The following PARD3B variants were observed in gnomAD, a reference collection of about 807,000 sequenced individuals.
PARD3B encodes the protein par-3 family cell polarity regulator beta, also known as partitioning defective 3 homolog B.
Under a neutral mutation model 130.2 loss-of-function variants are expected in PARD3B, and 103 were observed. That is an observed-to-expected ratio of 0.79 (90% CI 0.67 to 0.93). The LOEUF is 0.93. Among genes scored for constraint, PARD3B ranks in the 40% least tolerant of loss-of-function variants. The pLI is 0.00. For missense variants in PARD3B, 1,609 were observed against 1,499.2 expected (o/e 1.07, Z -1.21); for synonymous variants, 583 against 553.2 (o/e 1.05, Z -0.76).
chr2:204,616,450 C>G (rs2034116596), intron 1 of PARD3B, among the ~76,000 whole-genome samples: 1 of 152,080 alleles, frequency 6.6e-6, no homozygotes, highest in Non-Finnish European at 1.5e-5. Context: ...GTGGCCAAGA[C>G]CCAGGACACT....
chr2:205,257,305 G>A (rs1287563365), intron 16 of PARD3B, among the ~76,000 whole-genome samples: 1 of 149,142 alleles, frequency 6.7e-6, no homozygotes, highest in Non-Finnish European at 1.5e-5. Flanking sequence ...CCTTTTGAAT[G>A]AAAACACTTT....
At chr2:204,889,492 A>G (rs2046374175) in intron 2 of PARD3B, among the ~76,000 whole-genome samples, 1 of 152,194 alleles carries the variant, frequency 6.6e-6, no homozygotes, top group African/African-American at 2.4e-5. Flanking sequence ...GAAGCCAACA[A>G]CAACAGAACA....
intron 2 of PARD3B, among the ~76,000 whole-genome samples, chr2:204,886,749 A>G (rs1295190893): frequency 1.3e-5 from 2 of 152,218 alleles, no homozygotes; most frequent in Admixed American, 1.3e-4. Flanking sequence ...GATTTGGTTC[A>G]GTTTGGGCTA....
intron 22 of PARD3B, among the ~76,000 whole-genome samples, chr2:205,561,905 C>T (rs1269683041): frequency 6.6e-6 from 1 of 152,128 alleles, no homozygotes; most frequent in African/African-American, 2.4e-5. Flanking sequence ...CTTAAGGTTC[C>T]CTGTGCTGAA....
chr2:204,975,611 G>A (rs1478136104), intron 3 of PARD3B, among the ~76,000 whole-genome samples: 1 of 152,164 alleles, frequency 6.6e-6, no homozygotes, highest in Non-Finnish European at 1.5e-5. Context: ...TTTTCACTGA[G>A]TACTGTGTAA....
Position 204,997,811 on chromosome 2 carries a change from G to A in PARD3B, c.394+32488G>A, listed in dbSNP as rs1051907192. ...TAATGAAGACTAGTTCATGTTTTTA[G>A]TTTTGCTATACATTTATAGATATAT... On this transcript the variant is annotated intron_variant, in intron 3 of 22. Coordinates refer to ENST00000406610, the MANE Select transcript of PARD3B (RefSeq NM_001302769.2). Among the ~76,000 whole-genome samples, 5 of 150,266 alleles carry A rather than the reference G, an allele frequency of 3.3e-5. No homozygotes were observed. In the East Asian group the frequency reaches 9.7e-4, roughly 29 times the overall value.
At chr2:205,014,493 T>A (rs1559356368) in intron 3 of PARD3B, among the ~76,000 whole-genome samples, 1 of 152,204 alleles carries the variant, frequency 6.6e-6, no homozygotes. Context: ...GAGGAGAAGG[T>A]ACCTGAGTAA....
chr2:205,498,198 TA>T (rs61076057), intron 20 of PARD3B, among the ~76,000 whole-genome samples: 1,878 of 124,394 alleles, frequency 0.015, 31 homozygotes, highest in African/African-American at 0.041. Context: ...AGACTCTGAC[TA>T]AAAAAAAAAA....
intron 2 of PARD3B, among the ~76,000 whole-genome samples, chr2:204,896,857 A>G (rs1340734253): frequency 6.6e-6 from 1 of 152,224 alleles, no homozygotes; most frequent in African/African-American, 2.4e-5. Flanking sequence ...AGGTCACAGA[A>G]TAAGAAAGCC....
At chr2:205,577,657 G>A (rs753177610) in intron 22 of PARD3B, among the ~76,000 whole-genome samples, 3 of 152,196 alleles carry the variant, frequency 2.0e-5, no homozygotes, top group Non-Finnish European at 4.4e-5. Flanking sequence ...GCTTAAAAAT[G>A]AATTACGCTT....
intron 16 of PARD3B, among the ~76,000 whole-genome samples, chr2:205,275,076 G>C (rs1170849696): frequency 1.3e-5 from 2 of 151,994 alleles, no homozygotes; most frequent in Non-Finnish European, 2.9e-5. Context: ...TGTGAGTAAG[G>C]CTCGCTTCTG....
At chr2:205,299,471 TG>T (rs2041911720) in intron 16 of PARD3B, among the ~76,000 whole-genome samples, 1 of 151,978 alleles carries the variant, frequency 6.6e-6, no homozygotes, top group African/African-American at 2.4e-5. Flanking sequence ...GAACATGAGC[TG>T]TGGCCCTGGT....
chr2:205,595,652 C>G (rs564232497), intron 22 of PARD3B, among the ~76,000 whole-genome samples: 162 of 152,222 alleles, frequency 1.1e-3, no homozygotes, highest in African/African-American at 3.8e-3. Flanking sequence ...AAGCAGCACT[C>G]AAACAAATAG....
intron 15 of PARD3B, among the ~76,000 whole-genome samples, chr2:205,206,442 C>T (rs60819889): frequency 6.0e-5 from 9 of 149,122 alleles, no homozygotes; most frequent in Non-Finnish European, 1.2e-4. Context: ...GTTCAAGTCC[C>T]ACCTATGAGT....
At chr2:204,672,511 T>C (rs1377571937) in intron 1 of PARD3B, among the ~76,000 whole-genome samples, 2 of 152,204 alleles carry the variant, frequency 1.3e-5, no homozygotes, top group Non-Finnish European at 2.9e-5. Context: ...TACAAAATCA[T>C]GTGCATGAAT....
intron 3 of PARD3B, among the ~76,000 whole-genome samples, chr2:205,034,220 G>T (rs1697637951): frequency 6.6e-6 from 1 of 152,064 alleles, no homozygotes; most frequent in Non-Finnish European, 1.5e-5. Flanking sequence ...GTTCAATTTG[G>T]CATGCCTCTG....
intron 1 of PARD3B, among the ~76,000 whole-genome samples, chr2:204,563,251 C>T (rs976284804): frequency 6.7e-6 from 1 of 148,418 alleles, no homozygotes; most frequent in African/African-American, 2.5e-5. Context: ...CTCTCTCTCT[C>T]TCTCTCTCTC....
chr2:205,256,817 G>A (rs1424017444), intron 16 of PARD3B, among the ~76,000 whole-genome samples: 2 of 151,880 alleles, frequency 1.3e-5, no homozygotes, highest in East Asian at 3.9e-4. Context: ...GAGTCATACT[G>A]GAAACCTATT....
At position 204,705,957 on chromosome 2, in the gene PARD3B, A is replaced by G. The variant is rs182413322; in HGVS notation, c.222+19675A>G. On this transcript the variant is annotated intron_variant, in intron 2 of 22. Coordinates refer to ENST00000406610, the MANE Select transcript of PARD3B (RefSeq NM_001302769.2). The stretch of plus-strand genomic sequence containing the variant: ...TTCTGTTCTAAATACTTGGTGCACA[A>G]TAGGTACTCAGTAACAGTTCTTTGA... Among the ~76,000 whole-genome samples the G allele has an allele frequency of 2.8e-3, 433 of 152,292 alleles. 1 individual carries two copies. Among genetic ancestry groups the G allele is most frequent in the African/African-American group, 0.01 (425 of 41,570 alleles).
Sources: allele counts gnomAD v4.1 joint callset (sites outside exome capture counted in the v4.1 genomes callset), GRCh38; gene constraint gnomAD v4.1.1; transcripts MANE v1.5; gene names NCBI Gene and HGNC (gene_info 2026-07-23, HGNC 2026-07-21).